SNRPA1: variants seen among roughly 807,000 people sequenced by gnomAD.
The protein encoded by SNRPA1 is small nuclear ribonucleoprotein polypeptide A'.
A neutral mutation model predicts 32.3 loss-of-function variants in SNRPA1; 5 were observed. That is an observed-to-expected ratio of 0.15 (90% CI 0.08 to 0.33). The LOEUF is 0.33. Among genes scored for constraint, SNRPA1 ranks in the 10% least tolerant of loss-of-function variants. SNRPA1 has a pLI of 1.00. For missense variants in SNRPA1, 198 were observed against 311.1 expected (o/e 0.64, Z 2.74); for synonymous variants, 111 against 120.1 (o/e 0.92, Z 0.50).
At chr15:101,292,251 C>T (rs2039533905) in intron 2 of SNRPA1, among the ~76,000 whole-genome samples, 1 of 152,216 alleles carries the variant, frequency 6.6e-6, no homozygotes, top group African/African-American at 2.4e-5. Context: ...GCTAATTCCA[C>T]TGTCATACCA....
chr15:101,284,946 C>T, intron 8 of SNRPA1, 21 bp downstream of exon 8: 5 of 1,583,362 alleles, frequency 3.2e-6, no homozygotes, highest in Non-Finnish European at 4.3e-6. Flanking sequence ...TTTGAACATA[C>T]AAAGAACACC....
At chr15:101,293,760 ATAAT>A (rs2141315666) in intron 1 of SNRPA1, among the ~76,000 whole-genome samples, 1 of 152,358 alleles carries the variant, frequency 6.6e-6, no homozygotes, top group East Asian at 1.9e-4. Flanking sequence ...TAATTTGGGC[ATAAT>A]TATTGTGTTA....
chr15:101,288,781 A>C (rs1042892478), intron 3 of SNRPA1, among the ~76,000 whole-genome samples: 12 of 152,324 alleles, frequency 7.9e-5, no homozygotes, highest in Admixed American at 3.9e-4. Context: ...GCCGTCTTAC[A>C]AACTGGAGAA....
intron 8 of SNRPA1, among the ~76,000 whole-genome samples, chr15:101,282,122 C>CA (rs2039402236): frequency 6.6e-6 from 1 of 152,248 alleles, no homozygotes; most frequent in Non-Finnish European, 1.5e-5. Flanking sequence ...CGGAAATACT[C>CA]AAAAACATCT....
At chr15:101,294,708 T>C in intron 1 of SNRPA1, 1 of 223,674 alleles carries the variant, frequency 4.5e-6, no homozygotes, top group Non-Finnish European at 8.7e-6. Flanking sequence ...GCTCAAAATA[T>C]CATCTGGCGG....
intron 3 of SNRPA1, among the ~76,000 whole-genome samples, chr15:101,289,261 C>G (rs751939364): frequency 6.6e-6 from 1 of 152,172 alleles, no homozygotes; most frequent in Non-Finnish European, 1.5e-5. Flanking sequence ...CCGAAGGCTG[C>G]TGAAATGTTG....
chr15:101,292,418 C>T (rs1596472868), intron 2 of SNRPA1, among the ~76,000 whole-genome samples: 4 of 152,224 alleles, frequency 2.6e-5, no homozygotes, highest in Admixed American at 2.6e-4. Context: ...AATGGTTAAC[C>T]TATGAGAAAT....
chr15:101,282,476 C>T (rs2039407043), intron 8 of SNRPA1, among the ~76,000 whole-genome samples: 1 of 152,198 alleles, frequency 6.6e-6, no homozygotes, highest in Admixed American at 6.5e-5. Context: ...ATTTTAACAG[C>T]CTGTGCAGAT....
intron 8 of SNRPA1, among the ~76,000 whole-genome samples, chr15:101,283,345 G>A (rs890938936): frequency 6.6e-6 from 1 of 151,536 alleles, no homozygotes; most frequent in Non-Finnish European, 1.5e-5. Context: ...TCAGGAGATC[G>A]AGACCATCCT....
At chr15:101,287,923 A>G in intron 3 of SNRPA1, 1 of 487,012 alleles carries the variant, frequency 2.1e-6, no homozygotes, top group Non-Finnish European at 3.7e-6. Context: ...TTCTGTCTCA[A>G]TAGCAGGAGA....
intron 2 of SNRPA1, 178 bp downstream of exon 2, chr15:101,292,847 T>A (rs1409249141): frequency 2.5e-6 from 1 of 404,272 alleles, no homozygotes; most frequent in African/African-American, 2.1e-5. Context: ...AGAAAAAACA[T>A]GTATTGAATG....
intron 8 of SNRPA1, among the ~76,000 whole-genome samples, chr15:101,282,337 C>T (rs2039405043): frequency 6.6e-6 from 1 of 152,212 alleles, no homozygotes. Flanking sequence ...GACTTAATGT[C>T]TGACTTAACA....
intron 8 of SNRPA1, among the ~76,000 whole-genome samples, chr15:101,284,168 G>A (rs1053981399): frequency 4.6e-5 from 7 of 152,204 alleles, no homozygotes; most frequent in African/African-American, 7.2e-5. Context: ...TCAAAAACTC[G>A]CTAATGTTGA....
intron 8 of SNRPA1, among the ~76,000 whole-genome samples, chr15:101,282,650 C>A (rs955916566): frequency 6.6e-6 from 1 of 152,056 alleles, no homozygotes; most frequent in Non-Finnish European, 1.5e-5. Context: ...TACATGATTT[C>A]GTATCATTTG....
intron 7 of SNRPA1, among the ~76,000 whole-genome samples, chr15:101,285,406 T>A (rs1187566525): frequency 6.6e-6 from 1 of 152,200 alleles, no homozygotes; most frequent in Non-Finnish European, 1.5e-5. Flanking sequence ...TCAAAAGGAT[T>A]TGCCAGACAG....
At chr15:101,292,108 G>T in intron 2 of SNRPA1, 68 bp from the exon 3 acceptor site, 1 of 1,046,816 alleles carries the variant, frequency 9.6e-7, no homozygotes, top group Non-Finnish European at 1.5e-6. Context: ...CTACCTCCTT[G>T]CTCAGAGGAT....
At chr15:101,287,109 T>G (rs1171863919) in intron 4 of SNRPA1, 99 bp from the exon 5 acceptor site, 6 of 554,202 alleles carry the variant, frequency 1.1e-5, no homozygotes, top group African/African-American at 1.9e-5. Flanking sequence ...CAAGGGAACA[T>G]TCACATTCTT....
chr15:101,283,826 G>T (rs551378807), intron 8 of SNRPA1, among the ~76,000 whole-genome samples: 13 of 152,200 alleles, frequency 8.5e-5, no homozygotes, highest in Non-Finnish European at 1.6e-4. Flanking sequence ...TGTAATCCCA[G>T]CTACTTGGGA....
intron 2 of SNRPA1, 96 bp from the exon 3 acceptor site, chr15:101,292,136 A>T: frequency 1.2e-6 from 1 of 845,038 alleles, no homozygotes; most frequent in Non-Finnish European, 2.0e-6. Flanking sequence ...AGACACTTAG[A>T]GATCCTTCTT....
Sources: gnomAD v4.1 joint callset for allele counts (sites outside exome capture counted in the v4.1 genomes callset) on GRCh38, gnomAD v4.1.1 for gene constraint, MANE v1.5 for transcripts, NCBI Gene and HGNC (gene_info 2026-07-23, HGNC 2026-07-21) for gene names.